Variants in CSPG4 observed in about 807,000 individuals in gnomAD.
CSPG4 encodes the protein chondroitin sulfate proteoglycan 4.
Under a neutral mutation model 139.3 loss-of-function variants are expected in CSPG4, and 74 were observed. The observed-to-expected ratio is 0.53, with a 90% confidence interval of 0.44 to 0.64. The LOEUF is 0.64. Ranked by LOEUF, CSPG4 falls within the 30% of genes least tolerant of loss-of-function variation. CSPG4 has a pLI of 0.00. For synonymous variants in CSPG4, 1,234 were observed against 1,394.2 expected, an observed-to-expected ratio of 0.89 and a Z score of 2.56; for missense variants, 2,565 against 3,148.3, an observed-to-expected ratio of 0.81 and a Z score of 4.43.
intron 1 of CSPG4, among the ~76,000 whole-genome samples, chr15:75,695,219 G>A (rs1456344062): frequency 2.0e-5 from 3 of 152,160 alleles, no homozygotes; most frequent in African/African-American, 7.2e-5. Flanking sequence ...AAAGGTATAT[G>A]TAGACCCGCC....
At position 75,677,212 on chromosome 15, in the gene CSPG4, A is replaced by G. The variant is rs1490744696; in HGVS notation, c.5307T>C (p.Ala1769=). 1 of 1,462,112 alleles carries G rather than the reference A, an allele frequency of 6.8e-7. No homozygotes were observed. Among genetic ancestry groups the G allele is most frequent in the Admixed American group, 2.4e-5 (1 of 40,834 alleles). The allele number at this position is 1,462,112 out of a possible 1,614,324, so 90.6% of individuals were successfully genotyped here. Residue 1769 remains alanine (A), a synonymous_variant, in exon 10 of 10, where the codon GCT becomes GCC. Transcript: ENST00000308508. ...QLLVSEEPLH[A]GQPHFLQSQL... is the part of the protein sequence containing the mutation. ...GGGACTGCAGGAAGTGGGGCTGCCC[A>G]GCATGGAGGGGCTCCTCGGACACCA...
rs1479167895 is a variant in CSPG4 at position 75,689,972 on chromosome 15, G to A, written c.1093C>T (p.Arg365Trp). 1.4e-5 allele frequency: 22 copies of A among 1,611,758 alleles called. No individual in the cohort carries two copies. Among genetic ancestry groups the A allele is most frequent in the East Asian group, 2.2e-5 (1 of 44,854 alleles). Reference protein sequence around the residue: ...MEDLSVNGQRRGLREALLTRN... With the variant: ...MEDLSVNGQRWGLREALLTRN... Reference sequence around the variant, plus strand: ...GTCAGCAAAGCTTCCCGCAGCCCCCGCCTCTGGCCATTGACACTGAGGTCT... The same window carrying A: ...GTCAGCAAAGCTTCCCGCAGCCCCCACCTCTGGCCATTGACACTGAGGTCT... The change falls in exon 3 of 10, where the codon CGG becomes TGG. Residue 365 changes from arginine to tryptophan, a missense_variant. Coordinates refer to ENST00000308508, the MANE Select transcript of CSPG4 (RefSeq NM_001897.5).
At chr15:75,679,306 C>CT (rs1893939342) in intron 8 of CSPG4, 1 of 152,658 alleles carries the variant, frequency 6.6e-6, no homozygotes, top group African/African-American at 2.4e-5. Flanking sequence ...TGGAACCACC[C>CT]TTGCATCCTC....
At chr15:75,678,080 G>A (rs373925473) in intron 8 of CSPG4, among the ~76,000 whole-genome samples, 194 bp from the exon 9 acceptor site, 3 of 152,294 alleles carry the variant, frequency 2.0e-5, no homozygotes, top group Non-Finnish European at 2.9e-5. Flanking sequence ...CTCTGGAGCC[G>A]GAGCCTGGGC....
chr15:75,690,665 C>T lies in CSPG4; in HGVS notation c.400G>A (p.Ala134Thr), dbSNP rs1324731207. The T allele has an allele frequency of 6.2e-7, 1 of 1,612,388 alleles. No individual in the cohort carries two copies. The highest frequency in any genetic ancestry group is 1.3e-5 in the African/African-American group (1 of 74,904). ...SVDGFLNASS[A>T]VPGAPLEVPY... Reference sequence around the variant, plus strand: ...ACCTCTAGGGGGGCTCCTGGGACTGCTGAGGAGGCGTTCAGAAACCCATCG... The same window carrying T: ...ACCTCTAGGGGGGCTCCTGGGACTGTTGAGGAGGCGTTCAGAAACCCATCG... Residue 134 changes from alanine (A) to threonine (T), a missense_variant, in exon 3 of 10, where the codon GCA becomes ACA. Ala to Thr is a moderately conservative substitution (Grantham distance 58). Coordinates refer to ENST00000308508, the MANE Select transcript of CSPG4 (RefSeq NM_001897.5).
chr15:75,692,104 C>T (rs1161750418), intron 2 of CSPG4, among the ~76,000 whole-genome samples: 7 of 152,170 alleles, frequency 4.6e-5, no homozygotes, highest in Non-Finnish European at 8.8e-5. Context: ...GCCTCAGCCT[C>T]CTGAGTAGCT....
In CSPG4 at chr15:75,676,497, C is replaced by T; in HGVS notation, c.6022G>A (p.Gly2008Ser). 1 of 1,613,974 alleles carries T rather than the reference C, an allele frequency of 6.2e-7. No individual in the cohort carries two copies. Among genetic ancestry groups the T allele is most frequent in the Non-Finnish European group, 8.5e-7 (1 of 1,180,028 alleles). ...TTGGTGAAGGCAAAGACCACCTCGC[C>T]CTGGTCTATCTGGAATTGGCTGAAG... ...SAFSQFQIDQGEVVFAFTNFS... is the reference protein window; with the variant it reads ...SAFSQFQIDQSEVVFAFTNFS... The change falls in exon 10 of 10, where the codon GGC (glycine) becomes AGC (serine). Residue 2008 changes from glycine (G) to serine (S), a missense_variant. By Grantham distance (56) the Gly-to-Ser change is moderately conservative. Around this residue, in one of 5 missense-constraint regions of CSPG4, gnomAD observed 2,316 missense variants for 2,818.2 expected, o/e 0.82. Coordinates refer to ENST00000308508, the MANE Select transcript of CSPG4 (RefSeq NM_001897.5).
At chr15:75,679,446 A>G (rs181528566) in intron 8 of CSPG4, 10 of 152,388 alleles carry the variant, frequency 6.6e-5, no homozygotes, top group Admixed American at 5.2e-4. Context: ...GAAAGGGAAG[A>G]TTATGGGGCT....
At chr15:75,685,987 A>G (rs1361934755) in intron 3 of CSPG4, among the ~76,000 whole-genome samples, 2 of 152,204 alleles carry the variant, frequency 1.3e-5, no homozygotes, top group South Asian at 2.1e-4. Context: ...TCCCAGGCTC[A>G]AGGGATCCTC....
intron 2 of CSPG4, among the ~76,000 whole-genome samples, chr15:75,692,309 G>A (rs950035337): frequency 1.3e-5 from 2 of 152,180 alleles, no homozygotes; most frequent in African/African-American, 4.8e-5. Flanking sequence ...AAATAGAGAT[G>A]GGGACTCATT....
Position 75,676,828 on chromosome 15 carries a change from G to C in CSPG4, c.5691C>G (p.Ala1897=). ...GLGPVTRFTQ[A]DVDSGRLAFV... ...AGGCCAGCCGCCCTGAATCCACATC[G>C]GCTTGCGTGAAGCGGGTCACGGGCC... The change falls in exon 10 of 10, where the codon GCC becomes GCG. Residue 1897 remains alanine (A), a synonymous_variant. Coordinates refer to ENST00000308508, the MANE Select transcript of CSPG4 (RefSeq NM_001897.5). 1 of 1,549,234 alleles carries C rather than the reference G, an allele frequency of 6.5e-7. No individual in the cohort carries two copies. The highest frequency in any genetic ancestry group is 1.2e-5 in the South Asian group (1 of 82,830).
chr15:75,685,774 A>G (rs1227615322), intron 3 of CSPG4, 73 bp from the exon 4 acceptor site: 1 of 1,473,714 alleles, frequency 6.8e-7, no homozygotes, highest in East Asian at 2.3e-5. Flanking sequence ...TGTGGCCCTA[A>G]GAAGCCGGAA....
chr15:75,685,613 C>G lies in CSPG4; in HGVS notation c.3878G>C (p.Gly1293Ala), dbSNP rs773655109. Residue 1293 changes from glycine to alanine, a missense_variant, in exon 4 of 10, where the codon GGC becomes GCC. Gly to Ala is a moderately conservative substitution (Grantham distance 60, BLOSUM62 0). This residue lies in a region of CSPG4 where 2,316 missense variants were observed against 2,818.2 expected (regional missense o/e 0.82). Coordinates refer to ENST00000308508, the MANE Select transcript of CSPG4 (RefSeq NM_001897.5). ...GCTGGGTGGCTCATCTGCCAAGGCG[C>G]CACGCGACACCATCACCAGGTAGCC... ...SAGYLVMVSR[G>A]ALADEPPSLD... 12 of 1,609,946 alleles carry G rather than the reference C, an allele frequency of 7.5e-6. No individual in the cohort carries two copies. Among genetic ancestry groups the G allele is most frequent in the Middle Eastern group, 1.9e-4 (1 of 5,336 alleles).
intron 1 of CSPG4, among the ~76,000 whole-genome samples, chr15:75,704,026 A>G: frequency 3.0e-5 from 3 of 100,176 alleles, no homozygotes; most frequent in African/African-American, 4.2e-5. Flanking sequence ...TCCCGGGGGG[A>G]GCCCCAGGGC....
At position 75,684,722 on chromosome 15, in the gene CSPG4, A is replaced by G. The variant is rs921470129; in HGVS notation, c.4449+14T>C. 2.5e-6 allele frequency: 4 copies of G among 1,606,594 alleles called. No homozygotes were observed. The African/African-American group carries it at 5.3e-5, about 21-fold the overall frequency. On this transcript the variant is annotated intron_variant, in intron 5 of 9. Transcript: ENST00000308508. ...TCGAAGCAGACATGGGGGTGTTCCC[A>G]GGGATGCTCTCACCTGCAGGCCTGT... is the stretch of plus-strand genomic sequence containing the variant.
chr15:75,688,081 C>A lies in CSPG4; in HGVS notation c.2984G>T (p.Ser995Ile). 6.2e-7 allele frequency: 1 copy of A among 1,612,862 alleles called. No individual in the cohort carries two copies. Among genetic ancestry groups the A allele is most frequent in the Non-Finnish European group, 8.5e-7 (1 of 1,179,886 alleles). Reference sequence around the variant, plus strand: ...TACCTCCTCCCAGGCCATGTCACCACTGCTCTCGCCCTGGCGGGTAGCAAC... The same window carrying A: ...TACCTCCTCCCAGGCCATGTCACCAATGCTCTCGCCCTGGCGGGTAGCAAC... The part of the protein sequence containing the change: ...PFVATRQGES[S>I]GDMAWEEVRG... Residue 995 changes from serine to isoleucine, a missense_variant, in exon 3 of 10, where the codon AGT becomes ATT. Physicochemically the swap from Ser to Ile is moderately radical, Grantham distance 142. This residue lies in a region of CSPG4 where 2,316 missense variants were observed against 2,818.2 expected (regional missense o/e 0.82). Transcript: ENST00000308508.
In CSPG4 at chr15:75,696,909, G is replaced by C. The variant is rs1268429941; in HGVS notation, c.89-3676C>G. ...CTCTGTCAGGGCAAGGGCTGCGCTGGCATCTCCGGGCTCCCCGGAGGCACT... is the reference window on the plus strand; with the variant it reads ...CTCTGTCAGGGCAAGGGCTGCGCTGCCATCTCCGGGCTCCCCGGAGGCACT... On this transcript the variant is annotated intron_variant, in intron 1 of 9. Transcript: ENST00000308508. This position sits in a 1 kb window ranked among gnomAD's most constrained non-coding sequence, Gnocchi z 4.2. Among the ~76,000 whole-genome samples the C allele has an allele frequency of 6.6e-6, 1 of 152,238 alleles. No homozygotes were observed.
Position 75,685,367 on chromosome 15 carries a change from A to T in CSPG4, c.4124T>A (p.Leu1375Gln), listed in dbSNP as rs770714172. The change falls in exon 4 of 10, where the codon CTG (leucine) becomes CAG (glutamine). Residue 1375 changes from leucine to glutamine, a missense_variant. Physicochemically the swap from Leu to Gln is moderately radical, Grantham distance 113. Around this residue, in one of 5 missense-constraint regions of CSPG4, gnomAD observed 2,316 missense variants for 2,818.2 expected, o/e 0.82. Coordinates refer to ENST00000308508, the MANE Select transcript of CSPG4 (RefSeq NM_001897.5). Reference sequence around the variant, plus strand: ...GGAGACACGGAGCAGTGGAGGGGCCAGGGTGAGGCTGCCACCCTCAGGGAC... The same window carrying T: ...GGAGACACGGAGCAGTGGAGGGGCCTGGGTGAGGCTGCCACCCTCAGGGAC... Reference protein sequence around the residue: ...FSVPEGGSLTLAPPLLRVSGP... With the variant: ...FSVPEGGSLTQAPPLLRVSGP... 40 of 1,610,400 alleles carry T rather than the reference A, an allele frequency of 2.5e-5. No homozygotes were observed. Among genetic ancestry groups the T allele is most frequent in the Non-Finnish European group, 3.4e-5 (40 of 1,179,024 alleles).
Position 75,687,576 on chromosome 15 carries a change from C to T in CSPG4, c.3489G>A (p.Glu1163=). 6.2e-7 allele frequency: 1 copy of T among 1,610,480 alleles called. No homozygotes were observed. The highest frequency in any genetic ancestry group is 8.5e-7 in the Non-Finnish European group (1 of 1,178,326). ...GGCCAGCTGTGACGTGGTAGTGGAC[C>T]TCATCCCCACTGCGGATGTCGAGGT... The part of the protein sequence containing the change: ...DTNLDIRSGD[E]VHYHVTAGPR... Residue 1163 remains glutamate, a synonymous_variant, in exon 3 of 10, where the codon GAG becomes GAA. Coordinates refer to ENST00000308508, the MANE Select transcript of CSPG4 (RefSeq NM_001897.5). The surrounding 1 kb of genome is among the most constrained non-coding windows in gnomAD (Gnocchi z 5.4).
Sources: allele counts gnomAD v4.1 joint callset (sites outside exome capture counted in the v4.1 genomes callset), GRCh38; gene constraint gnomAD v4.1.1; regional missense constraint gnomAD v4.1.1; non-coding constraint Gnocchi (gnomAD v3.1); transcripts MANE v1.5; gene names NCBI Gene and HGNC (gene_info 2026-07-23, HGNC 2026-07-21).